The following GPHN variants were observed in gnomAD, a reference collection of about 807,000 sequenced individuals.
The protein encoded by GPHN is gephyrin.
GPHN carries 17 observed loss-of-function variants against 95.5 expected under a neutral mutation model. That is an observed-to-expected ratio of 0.18 (90% CI 0.12 to 0.27). The LOEUF (loss-of-function observed/expected upper bound fraction) is 0.27. Ranked by LOEUF, GPHN falls within the 10% of genes least tolerant of loss-of-function variation. The probability of loss-of-function intolerance (pLI) is 1.00; values close to 1 mark genes in which losing one functional copy is unlikely to be tolerated. For synonymous variants in GPHN, 320 were observed against 322.5 expected (o/e 0.99, Z 0.08); for missense variants, 660 against 978.1 (o/e 0.67, Z 4.34).
At chr14:66,843,478 G>A (rs966213153) in intron 4 of GPHN, among the ~76,000 whole-genome samples, 1 of 152,166 alleles carries the variant, frequency 6.6e-6, no homozygotes, top group Non-Finnish European at 1.5e-5. Context: ...GAGTTTGCTT[G>A]ACTGTTGCCT....
chr14:67,229,197 C>T, the GPHN span, among the ~76,000 whole-genome samples: 238 of 152,308 alleles, frequency 1.6e-3, no homozygotes, highest in African/African-American at 5.3e-3. Flanking sequence ...CCAAGCTAAA[C>T]GCAAATTTGC....
intron 9 of GPHN, among the ~76,000 whole-genome samples, chr14:66,967,982 A>G (rs1043250349): frequency 6.6e-6 from 1 of 152,028 alleles, no homozygotes; most frequent in Non-Finnish European, 1.5e-5. Flanking sequence ...CTAAAACTTC[A>G]TTAGTATGTG....
At chr14:67,256,567 A>T in the GPHN span, among the ~76,000 whole-genome samples, 1 of 151,844 alleles carries the variant, frequency 6.6e-6, no homozygotes, top group South Asian at 2.1e-4. Context: ...TTGTTTTTTG[A>T]GATGGAGTCT....
At chr14:66,532,676 T>G (rs1401591406) in intron 1 of GPHN, among the ~76,000 whole-genome samples, 1 of 152,166 alleles carries the variant, frequency 6.6e-6, no homozygotes, top group Non-Finnish European at 1.5e-5. Flanking sequence ...AATATTGGGG[T>G]GTCTGCCTCA....
At position 67,016,951 on chromosome 14, in the gene GPHN, C is replaced by T. The variant is rs1176830967; in HGVS notation, c.964-6682C>T. On this transcript the variant is annotated intron_variant, in intron 9 of 22. Coordinates refer to ENST00000478722, the MANE Select transcript of GPHN (RefSeq NM_020806.5). ...TTACTTACAATAGTTTTCACTTTCA[C>T]ATACATTACCCTACTTAATTTTCCC... Among the ~76,000 whole-genome samples the T allele has an allele frequency of 2.6e-5, 4 of 152,226 alleles. No individual in the cohort carries two copies. The East Asian group carries it at 7.7e-4, about 29-fold the overall frequency.
chr14:67,208,589 G>A, the GPHN span: 3 of 953,358 alleles, frequency 3.1e-6, no homozygotes, highest in Middle Eastern at 5.0e-4. Context: ...TGATGATATA[G>A]TCAACTCTGA....
intron 5 of GPHN, among the ~76,000 whole-genome samples, chr14:66,893,293 C>G (rs1466737003): frequency 5.3e-5 from 8 of 152,120 alleles, no homozygotes; most frequent in African/African-American, 1.9e-4. Flanking sequence ...GTACCGGGTT[C>G]ATCTCACTGG....
At chr14:67,603,929 C>T in the GPHN span, among the ~76,000 whole-genome samples, 4 of 152,208 alleles carry the variant, frequency 2.6e-5, no homozygotes, top group Admixed American at 6.5e-5. Flanking sequence ...GATCTGCCCG[C>T]CTCAACCTCT....
chr14:66,854,352 C>A (rs563060698), intron 4 of GPHN, among the ~76,000 whole-genome samples: 1 of 152,140 alleles, frequency 6.6e-6, no homozygotes, highest in East Asian at 1.9e-4. Flanking sequence ...TCTTTTTTGT[C>A]TAAGCTATTA....
At chr14:67,586,089 G>A in the GPHN span, 4 of 1,613,826 alleles carry the variant, frequency 2.5e-6, no homozygotes, top group Non-Finnish European at 3.4e-6. Flanking sequence ...CCGGATGGCT[G>A]CTCCCAAGGT....
At chr14:67,316,309 G>T in the GPHN span, among the ~76,000 whole-genome samples, 1 of 152,084 alleles carries the variant, frequency 6.6e-6, no homozygotes, top group South Asian at 2.1e-4. Context: ...TAACTTAAGG[G>T]TGGAAATAAA....
At chr14:67,597,297 G>A in the GPHN span, among the ~76,000 whole-genome samples, 1 of 152,188 alleles carries the variant, frequency 6.6e-6, no homozygotes, top group Admixed American at 6.5e-5. Context: ...GGGCAACCTA[G>A]TGAGACCCTG....
At chr14:67,091,640 A>C (rs984368200) in intron 12 of GPHN, among the ~76,000 whole-genome samples, 1 of 151,922 alleles carries the variant, frequency 6.6e-6, no homozygotes, top group Non-Finnish European at 1.5e-5. Context: ...AATTATTCCC[A>C]AACAGAATAT....
At chr14:67,343,603 G>A in the GPHN span, among the ~76,000 whole-genome samples, 14 of 152,312 alleles carry the variant, frequency 9.2e-5, no homozygotes, top group South Asian at 1.7e-3. Context: ...CATGGCTCAC[G>A]CCTATAACCC....
In GPHN at chr14:66,508,453, G is replaced by C; in HGVS notation, c.-75G>C. On this transcript the variant is annotated 5_prime_UTR_variant, in exon 1 of 23. Coordinates refer to ENST00000478722, the MANE Select transcript of GPHN (RefSeq NM_020806.5). ...CTAGCTGTCGCGCTCTCCTCGGCGA[G>C]CGCGCTCCCGGCCCGCGCGCTCCGG... 2 of 1,375,058 alleles carry C rather than the reference G, an allele frequency of 1.5e-6. No individual in the cohort carries two copies. The highest frequency in any genetic ancestry group is 2.1e-6 in the Non-Finnish European group (2 of 962,540). 85.2% of individuals were successfully genotyped at this position (1,375,058 alleles called of 1,614,324 possible). A position where few individuals can be genotyped will look rare whatever the true frequency, so the allele number is the denominator to read the frequency against.
At chr14:66,865,569 T>C (rs1234239120) in intron 4 of GPHN, among the ~76,000 whole-genome samples, 1 of 152,222 alleles carries the variant, frequency 6.6e-6, no homozygotes, top group African/African-American at 2.4e-5. Flanking sequence ...TTGTTTTCTG[T>C]GCTTTCTTAG....
At chr14:67,147,781 A>G (rs1390616318) in intron 18 of GPHN, among the ~76,000 whole-genome samples, 1 of 152,208 alleles carries the variant, frequency 6.6e-6, no homozygotes. Context: ...CGTAAAGCAA[A>G]CAATTTCTGA....
rs928061154 is a variant in GPHN, at chr14:66,538,688, A to T, written c.64+30097A>T. On this transcript the variant is annotated intron_variant, in intron 1 of 22. Transcript: ENST00000478722. Reference sequence around the variant, plus strand: ...TTCCTTCCCTTTCATTAGCCTATGGATAATGGCTATTTTAAAGCCATTGTC... The same window carrying T: ...TTCCTTCCCTTTCATTAGCCTATGGTTAATGGCTATTTTAAAGCCATTGTC... 8.6e-5 allele frequency among the ~76,000 whole-genome samples: 13 copies of T among 150,776 alleles called. No individual in the cohort carries two copies. In the South Asian group the frequency reaches 1.3e-3, roughly 15 times the overall value.
chr14:67,644,388 C>T, the GPHN span, among the ~76,000 whole-genome samples: 2 of 152,206 alleles, frequency 1.3e-5, no homozygotes, highest in African/African-American at 4.8e-5. Context: ...AGTCACACAG[C>T]TCTTCCAGGA....
Sources: gnomAD v4.1 joint callset for allele counts (sites outside exome capture counted in the v4.1 genomes callset) on GRCh38, gnomAD v4.1.1 for gene constraint, MANE v1.5 for transcripts, NCBI Gene and HGNC (gene_info 2026-07-23, HGNC 2026-07-21) for gene names.